The following RUNDC3B variants were observed in gnomAD, a reference collection of about 807,000 sequenced individuals.
RUNDC3B encodes the protein RUN domain containing 3B.
A neutral mutation model predicts 58.4 loss-of-function variants in RUNDC3B; 33 were observed. The ratio of observed to expected loss-of-function variants is 0.56; its 90% CI spans 0.43 to 0.75. The LOEUF (loss-of-function observed/expected upper bound fraction) is 0.75. Ranked by LOEUF, RUNDC3B falls within the 30% of genes least tolerant of loss-of-function variation. RUNDC3B has a pLI of 0.00. For synonymous variants in RUNDC3B, 193 were observed against 195.2 expected (o/e 0.99, Z 0.10); for missense variants, 501 against 535.7 (o/e 0.94, Z 0.64).
intron 2 of RUNDC3B, among the ~76,000 whole-genome samples, chr7:87,665,560 G>A (rs1312639801): frequency 6.6e-6 from 1 of 152,002 alleles, no homozygotes; most frequent in Non-Finnish European, 1.5e-5. Flanking sequence ...AAACTTTTAT[G>A]TTCAAGGGTA....
chr7:87,672,758 G>C lies in RUNDC3B; in HGVS notation c.238+21821G>C, dbSNP rs567652775. On this transcript the variant is annotated intron_variant, in intron 2 of 10. Coordinates refer to ENST00000394654, the MANE Select transcript of RUNDC3B (RefSeq NM_001134405.2). ...TGCAAAGATTCATGGGAGAAGTGTG[G>C]TTTCCTGAGGTCACACATTGACTCA... Among the ~76,000 whole-genome samples, 6 of 152,300 alleles carry C rather than the reference G, an allele frequency of 3.9e-5. No individual in the cohort carries two copies. The East Asian group carries it at 1.2e-3, about 29-fold the overall frequency.
chr7:87,726,835 T>C (rs932009453), intron 4 of RUNDC3B, among the ~76,000 whole-genome samples: 3 of 152,220 alleles, frequency 2.0e-5, no homozygotes, highest in African/African-American at 7.2e-5. Context: ...AAGTATTTTA[T>C]TCTCTTTGAA....
chr7:87,682,168 A>T (rs2130594654), intron 2 of RUNDC3B, among the ~76,000 whole-genome samples: 1 of 152,342 alleles, frequency 6.6e-6, no homozygotes, highest in Middle Eastern at 3.4e-3. Context: ...GCAATAATTC[A>T]GTCACATCTT....
intron 2 of RUNDC3B, among the ~76,000 whole-genome samples, chr7:87,669,076 G>C (rs1266577115): frequency 6.6e-6 from 1 of 152,078 alleles, no homozygotes; most frequent in Non-Finnish European, 1.5e-5. Flanking sequence ...TCTGTGGAGT[G>C]TTGAAGTCTC....
intron 6 of RUNDC3B, among the ~76,000 whole-genome samples, chr7:87,742,594 A>ATC (rs1832393118): frequency 6.6e-6 from 1 of 151,818 alleles, no homozygotes; most frequent in African/African-American, 2.4e-5. Context: ...ATAGATAGAT[A>ATC]GATAGATAGA....
At chr7:87,720,542 ATGTGTGTGTG>A (rs3028189) in intron 4 of RUNDC3B, among the ~76,000 whole-genome samples, 37 of 145,184 alleles carry the variant, frequency 2.5e-4, no homozygotes, top group African/African-American at 8.2e-4. Flanking sequence ...GATAGGATAT[ATGTGTGTGTG>A]TGTGTGTGTG....
chr7:87,821,648 A>G (rs1837445596), intron 10 of RUNDC3B, among the ~76,000 whole-genome samples: 1 of 152,186 alleles, frequency 6.6e-6, no homozygotes, highest in African/African-American at 2.4e-5. Flanking sequence ...CTATACTACA[A>G]TGCTACAGTA....
At chr7:87,799,347 T>C (rs1355898379) in intron 8 of RUNDC3B, among the ~76,000 whole-genome samples, 4 of 152,168 alleles carry the variant, frequency 2.6e-5, no homozygotes, top group African/African-American at 7.2e-5. Flanking sequence ...GGTAGGCAGT[T>C]CTGTTTTCCT....
chr7:87,691,289 A>C (rs1827993991), intron 2 of RUNDC3B, among the ~76,000 whole-genome samples: 1 of 152,180 alleles, frequency 6.6e-6, no homozygotes, highest in Non-Finnish European at 1.5e-5. Flanking sequence ...GTCTGTCTTC[A>C]GTATTCAGTA....
chr7:87,795,670 G>A (rs1201603304), intron 8 of RUNDC3B, among the ~76,000 whole-genome samples: 2 of 150,898 alleles, frequency 1.3e-5, no homozygotes, highest in Non-Finnish European at 2.9e-5. Context: ...CTGAGGTCAG[G>A]AGTTTGAGAC....
At chr7:87,727,132 G>T (rs1831283520) in intron 4 of RUNDC3B, among the ~76,000 whole-genome samples, 1 of 152,198 alleles carries the variant, frequency 6.6e-6, no homozygotes, top group African/African-American at 2.4e-5. Context: ...ATGTTGAATA[G>T]GAGTGGTGAG....
At chr7:87,765,878 T>C (rs1305063171) in intron 6 of RUNDC3B, among the ~76,000 whole-genome samples, 1 of 152,086 alleles carries the variant, frequency 6.6e-6, no homozygotes, top group Non-Finnish European at 1.5e-5. Flanking sequence ...ATCTGTCTAG[T>C]GCTATTAGTA....
chr7:87,786,290 A>T (rs1835211793), intron 8 of RUNDC3B, among the ~76,000 whole-genome samples: 1 of 152,202 alleles, frequency 6.6e-6, no homozygotes, highest in Non-Finnish European at 1.5e-5. Flanking sequence ...ACTAAGTATC[A>T]TAGACTAAAA....
At chr7:87,671,447 G>A (rs978012124) in intron 2 of RUNDC3B, among the ~76,000 whole-genome samples, 1 of 152,108 alleles carries the variant, frequency 6.6e-6, no homozygotes, top group Non-Finnish European at 1.5e-5. Context: ...ATCTGAGAAT[G>A]GGCACCTACT....
Position 87,830,729 on chromosome 7 carries a change from T to G in RUNDC3B, c.*699T>G, listed in dbSNP as rs981278019. 4.6e-5 allele frequency: 7 copies of G among 151,692 alleles called. No individual in the cohort carries two copies. Among genetic ancestry groups the G allele is most frequent in the African/African-American group, 1.7e-4 (7 of 41,324 alleles). 9.4% of individuals were successfully genotyped at this position (151,692 alleles called of 1,614,324 possible). A position where few individuals can be genotyped will look rare whatever the true frequency, so the allele number is the denominator to read the frequency against. On this transcript the variant is annotated 3_prime_UTR_variant, in exon 11 of 11. Transcript: ENST00000394654. ...TGCCATTTAGGCAAAATGAATAAACTGTTTTCCAAGATTTTCTTAAAAGAT... is the reference window on the plus strand; with the variant it reads ...TGCCATTTAGGCAAAATGAATAAACGGTTTTCCAAGATTTTCTTAAAAGAT...
intron 7 of RUNDC3B, among the ~76,000 whole-genome samples, chr7:87,776,431 A>G (rs1834631567): frequency 6.6e-6 from 1 of 152,168 alleles, no homozygotes; most frequent in Admixed American, 6.5e-5. Flanking sequence ...CATTTTCAAA[A>G]GGATATTGAC....
chr7:87,710,275 A>C (rs913659801), intron 3 of RUNDC3B, among the ~76,000 whole-genome samples: 7 of 152,192 alleles, frequency 4.6e-5, no homozygotes, highest in Non-Finnish European at 8.8e-5. Flanking sequence ...TTATATAATT[A>C]CATCATGTAA....
intron 8 of RUNDC3B, among the ~76,000 whole-genome samples, chr7:87,779,098 CT>C (rs1281043865): frequency 1.6e-4 from 24 of 152,194 alleles, no homozygotes; most frequent in African/African-American, 5.8e-4. Flanking sequence ...CAGTGTCATT[CT>C]TAAGAACTAA....
intron 6 of RUNDC3B, 124 bp downstream of exon 6, chr7:87,741,703 G>A: frequency 3.6e-6 from 2 of 550,370 alleles, no homozygotes; most frequent in African/African-American, 2.0e-5. Context: ...ATCATTAAAG[G>A]GTACAAGCTT....
Sources: gnomAD v4.1 joint callset for allele counts (sites outside exome capture counted in the v4.1 genomes callset) on GRCh38, gnomAD v4.1.1 for gene constraint, MANE v1.5 for transcripts, NCBI Gene and HGNC (gene_info 2026-07-23, HGNC 2026-07-21) for gene names.